Variants in GLDN observed in about 807,000 individuals in gnomAD.
GLDN encodes collomin.
In GLDN, 47 loss-of-function variants were observed where a neutral mutation model predicts 56.5. The observed-to-expected ratio is 0.83, with a 90% CI of 0.66 to 1.06. The LOEUF (loss-of-function observed/expected upper bound fraction) is 1.06. GLDN is among the 50% of genes least tolerant of loss of function. GLDN has a pLI of 0.00. For missense variants in GLDN, 782 were observed against 714.3 expected, an observed-to-expected ratio of 1.09 and a Z score of -1.08; for synonymous variants, 332 against 278.8, an observed-to-expected ratio of 1.19 and a Z score of -1.90.
intron 5 of GLDN, among the ~76,000 whole-genome samples, chr15:51,396,708 GAAT>G (rs76798829): frequency 0.27 from 41,657 of 151,992 alleles, 6,400 homozygotes; most frequent in Admixed American, 0.36. Context: ...TAAATGTTCA[GAAT>G]AATGACCCTG....
intron 1 of GLDN, among the ~76,000 whole-genome samples, chr15:51,372,177 TG>T (rs150589495): frequency 0.047 from 7,158 of 152,232 alleles, 302 homozygotes; most frequent in Admixed American, 0.14. Flanking sequence ...TCCACTACCA[TG>T]ATAACCCATT....
Position 51,400,506 on chromosome 15 carries a change from C to T in GLDN, c.1027+8C>T. On this transcript the variant is annotated splice_region_variant and intron_variant, in intron 8 of 9. Coordinates refer to ENST00000335449, the MANE Select transcript of GLDN (RefSeq NM_181789.4). ...TGACAGAGCATTTTTCAGGTACTTG[C>T]ACTCGGCCTATGACCCATATCTGTG... 1.2e-6 allele frequency: 2 copies of T among 1,613,694 alleles called. No individual in the cohort carries two copies. Among genetic ancestry groups the T allele is most frequent in the Non-Finnish European group, 8.5e-7 (1 of 1,179,802 alleles).
At chr15:51,410,247 G>T (rs2038451784), downstream of GLDN, among the ~76,000 whole-genome samples, 1 of 152,166 alleles carries the variant, frequency 6.6e-6, no homozygotes, top group African/African-American at 2.4e-5. Context: ...CTCTACAAAT[G>T]CAGTGAACAC....
chr15:51,366,813 G>A (rs1205157861), intron 1 of GLDN, among the ~76,000 whole-genome samples: 2 of 151,970 alleles, frequency 1.3e-5, no homozygotes, highest in Admixed American at 1.3e-4. Flanking sequence ...CAGGAGAATT[G>A]CTTTAGCCTG....
Position 51,341,902 on chromosome 15 carries a change from GCCGCGCGCCGCGCGGGGCGT to G in GLDN, c.223_242del (p.Ala75ThrfsTer29), listed in dbSNP as rs1020390963. ...CTGCGCTCCTTCCTGGCCGAGTTGA[GCCGCGCGCCGCGCGGGGCGT>G]CCGCACCACCCCAAGACCCGGCCAG... is the stretch of plus-strand genomic sequence containing the variant. On this transcript the variant is annotated frameshift_variant, in exon 1 of 10. Transcript: ENST00000335449. LOFTEE classifies it high-confidence loss of function. The G allele has an allele frequency of 6.3e-7, 1 of 1,590,216 alleles. No homozygotes were observed.
chr15:51,400,380 G>C lies in GLDN; in HGVS notation c.909G>C (p.Met303Ile). Reference sequence around the variant, plus strand: ...TTTCTCTTCTTTTGGCAGAATCCATGATCACTTCCATTGGAAACCCAGTGC... The same window carrying C: ...TTTCTCTTCTTTTGGCAGAATCCATCATCACTTCCATTGGAAACCCAGTGC... ...SEHHSPQAES[M>I]ITSIGNPVQV... is the part of the protein sequence containing the mutation. The change falls in exon 8 of 10, where the codon ATG (methionine) becomes ATC (isoleucine). Residue 303 changes from methionine to isoleucine, a missense_variant. Transcript: ENST00000335449. 6.2e-7 allele frequency: 1 copy of C among 1,614,140 alleles called. No homozygotes were observed. The highest frequency in any genetic ancestry group is 8.5e-7 in the Non-Finnish European group (1 of 1,180,022).
At chr15:51,393,927 G>C (rs2038072170) in intron 4 of GLDN, among the ~76,000 whole-genome samples, 2 of 152,160 alleles carry the variant, frequency 1.3e-5, no homozygotes, top group Non-Finnish European at 2.9e-5. Context: ...CCCTATTAAT[G>C]GTTGTCTTAA....
intron 1 of GLDN, among the ~76,000 whole-genome samples, chr15:51,363,906 A>T (rs570179684): frequency 1.1e-4 from 16 of 152,294 alleles, no homozygotes; most frequent in Admixed American, 6.5e-4. Context: ...AGCACTTAAA[A>T]ATGTTACTCT....
intron 1 of GLDN, among the ~76,000 whole-genome samples, chr15:51,366,861 C>T (rs1159154382): frequency 6.6e-6 from 1 of 150,718 alleles, no homozygotes; most frequent in Non-Finnish European, 1.5e-5. Context: ...GCCTGGACAA[C>T]AGAGTAAGAC....
chr15:51,348,130 A>AC (rs538662139), intron 1 of GLDN, among the ~76,000 whole-genome samples: 1 of 152,092 alleles, frequency 6.6e-6, no homozygotes, highest in African/African-American at 2.4e-5. Flanking sequence ...AGGGCCTTGT[A>AC]CCCCAGGTAA....
intron 1 of GLDN, among the ~76,000 whole-genome samples, chr15:51,353,193 G>A (rs1316501749): frequency 7.9e-5 from 12 of 152,134 alleles, no homozygotes. Context: ...TCAACTCCCT[G>A]TGGTTTCATC....
chr15:51,383,735 A>ATT lies in GLDN; in HGVS notation c.434-35_434-34dup, dbSNP rs11306243. On this transcript the variant is annotated intron_variant, in intron 3 of 9. Coordinates refer to ENST00000335449, the MANE Select transcript of GLDN (RefSeq NM_181789.4). ...GAAATGACAGTAACTTCAGTGAATA[A>ATT]TTTTTTTTTTTTTTTTGGTTAATGT... 3.1e-3 allele frequency: 3,617 copies of ATT among 1,155,008 alleles called. 44 individuals are homozygous for ATT. In the African/African-American group the frequency reaches 0.045, roughly 14 times the overall value. 71.5% of individuals were successfully genotyped at this position (1,155,008 alleles called of 1,614,324 possible). A position where few individuals can be genotyped will look rare whatever the true frequency, so the allele number is the denominator to read the frequency against.
downstream of GLDN, among the ~76,000 whole-genome samples, chr15:51,410,914 T>A (rs1259950970): frequency 6.6e-6 from 1 of 152,134 alleles, no homozygotes; most frequent in Non-Finnish European, 1.5e-5. Flanking sequence ...TCACCATCCT[T>A]CCTTCATTGA....
At chr15:51,384,073 C>T in intron 4 of GLDN, 181 bp downstream of exon 4, 1 of 656,746 alleles carries the variant, frequency 1.5e-6, no homozygotes, top group South Asian at 1.6e-5. Flanking sequence ...TTCTTGGTCC[C>T]ACCTTGACAG....
At chr15:51,342,340 T>G (rs979703540) in intron 1 of GLDN, among the ~76,000 whole-genome samples, 1 of 152,208 alleles carries the variant, frequency 6.6e-6, no homozygotes, top group African/African-American at 2.4e-5. Context: ...GAGCCTATTT[T>G]CCTTCTCAGC....
intron 5 of GLDN, 66 bp downstream of exon 5, chr15:51,395,047 C>A: frequency 2.1e-6 from 3 of 1,439,510 alleles, no homozygotes; most frequent in Non-Finnish European, 1.8e-6. Context: ...TGGCTTCCAA[C>A]ACCAGGGCTG....
chr15:51,412,530 GT>G (rs377214774), downstream of GLDN, among the ~76,000 whole-genome samples: 518 of 152,216 alleles, frequency 3.4e-3, 5 homozygotes, highest in African/African-American at 0.012. Flanking sequence ...CCCCCAACTT[GT>G]GCTCTGGAAT....
At chr15:51,400,714 G>A (rs2038231876) in intron 8 of GLDN, among the ~76,000 whole-genome samples, 3 of 152,214 alleles carry the variant, frequency 2.0e-5, no homozygotes, top group Admixed American at 6.5e-5. Context: ...ACAGGGGCAT[G>A]AGGAGGGTAA....
At chr15:51,359,561 A>G (rs758361582) in intron 1 of GLDN, among the ~76,000 whole-genome samples, 45 of 152,222 alleles carry the variant, frequency 3.0e-4, no homozygotes, top group Non-Finnish European at 4.6e-4. Context: ...ACTGACTTAC[A>G]TACTAGAGGG....
Sources: gnomAD v4.1 joint callset for allele counts (sites outside exome capture counted in the v4.1 genomes callset) on GRCh38, gnomAD v4.1.1 for gene constraint, MANE v1.5 for transcripts, NCBI Gene and HGNC (gene_info 2026-07-23, HGNC 2026-07-21) for gene names.